Variants in ULK4 observed in about 807,000 individuals in gnomAD.
ULK4 encodes the protein inactive serine/threonine-protein kinase ULK4.
ULK4 carries 133 observed loss-of-function variants against 160.6 expected under a neutral mutation model. The observed-to-expected ratio is 0.83, with a 90% confidence interval of 0.72 to 0.96. The LOEUF is 0.96. Among genes scored for constraint, ULK4 ranks in the 40% least tolerant of loss-of-function variants. ULK4 has a pLI of 0.00. For missense variants in ULK4, 1,580 were observed against 1,499.5 expected (o/e 1.05, Z -0.89); for synonymous variants, 534 against 539.8 (o/e 0.99, Z 0.15).
At chr3:41,402,772 T>G (rs1390035436) in intron 34 of ULK4, among the ~76,000 whole-genome samples, 3 of 152,226 alleles carry the variant, frequency 2.0e-5, no homozygotes, top group African/African-American at 7.2e-5. Context: ...TGAGGAGTTT[T>G]GTGTTTACAA....
chr3:41,321,846 C>T (rs1017942061), intron 35 of ULK4, among the ~76,000 whole-genome samples: 4 of 143,670 alleles, frequency 2.8e-5, no homozygotes, highest in Non-Finnish European at 4.5e-5. Context: ...GTTGGCAGGC[C>T]ACTGTGCATG....
At chr3:41,517,751 T>C (rs1035539771) in intron 32 of ULK4, among the ~76,000 whole-genome samples, 2 of 152,212 alleles carry the variant, frequency 1.3e-5, no homozygotes, top group Non-Finnish European at 2.9e-5. Context: ...CCTCTGCCAC[T>C]CAGGGCTGTC....
intron 17 of ULK4, among the ~76,000 whole-genome samples, chr3:41,844,496 C>T (rs945837341): frequency 1.3e-5 from 2 of 152,306 alleles, no homozygotes; most frequent in South Asian, 4.1e-4. Context: ...CCCAGAACTC[C>T]AGCTGGCCCG....
chr3:41,758,327 C>A (rs1230015118), intron 21 of ULK4, among the ~76,000 whole-genome samples: 1 of 152,016 alleles, frequency 6.6e-6, no homozygotes, highest in Non-Finnish European at 1.5e-5. Flanking sequence ...AAAAACAAAA[C>A]AAAGCAAAAT....
intron 17 of ULK4, among the ~76,000 whole-genome samples, chr3:41,881,672 A>G (rs142861988): frequency 6.6e-6 from 1 of 152,314 alleles, no homozygotes; most frequent in African/African-American, 2.4e-5. Context: ...AGTTCACCAG[A>G]TAGTTCAGTA....
intron 30 of ULK4, among the ~76,000 whole-genome samples, chr3:41,635,821 AT>A (rs1265292182): frequency 6.6e-6 from 1 of 152,248 alleles, no homozygotes; most frequent in Non-Finnish European, 1.5e-5. Context: ...TGTTAGATAT[AT>A]TATATCAGGA....
intron 17 of ULK4, among the ~76,000 whole-genome samples, chr3:41,861,523 A>C (rs1020801432): frequency 6.6e-6 from 1 of 152,042 alleles, no homozygotes; most frequent in Non-Finnish European, 1.5e-5. Flanking sequence ...GATGTACTGG[A>C]GCTCCATTTT....
At chr3:41,654,865 G>C (rs2034871659) in intron 30 of ULK4, among the ~76,000 whole-genome samples, 1 of 152,210 alleles carries the variant, frequency 6.6e-6, no homozygotes, top group Admixed American at 6.5e-5. Flanking sequence ...CAGAGTAACA[G>C]TGAAGAATAA....
At chr3:41,362,792 C>A (rs759225542) in intron 35 of ULK4, among the ~76,000 whole-genome samples, 1 of 152,246 alleles carries the variant, frequency 6.6e-6, no homozygotes, top group African/African-American at 2.4e-5. Context: ...ATAGAGTCAT[C>A]TGATTAACAG....
chr3:41,648,255 A>T (rs1303077785), intron 30 of ULK4, among the ~76,000 whole-genome samples: 2 of 152,136 alleles, frequency 1.3e-5, no homozygotes, highest in African/African-American at 4.8e-5. Flanking sequence ...CCGGTACCTC[A>T]GATGGAAATG....
At chr3:41,344,821 A>G (rs2080766141) in intron 35 of ULK4, among the ~76,000 whole-genome samples, 1 of 151,910 alleles carries the variant, frequency 6.6e-6, no homozygotes, top group East Asian at 1.9e-4. Flanking sequence ...CTGCACAAAA[A>G]AAGAAACTAT....
chr3:41,788,514 C>T (rs1481999108), intron 21 of ULK4, among the ~76,000 whole-genome samples: 2 of 152,006 alleles, frequency 1.3e-5, no homozygotes, highest in African/African-American at 4.8e-5. Context: ...GAAACCCCGT[C>T]TCTACTAAAA....
chr3:41,821,822 T>C (rs917968611), intron 18 of ULK4, among the ~76,000 whole-genome samples: 1 of 152,156 alleles, frequency 6.6e-6, no homozygotes, highest in Non-Finnish European at 1.5e-5. Context: ...TCTATCTCCC[T>C]CATAACAGGA....
chr3:41,324,598 G>C (rs2080307305), intron 35 of ULK4, among the ~76,000 whole-genome samples: 1 of 152,202 alleles, frequency 6.6e-6, no homozygotes, highest in Non-Finnish European at 1.5e-5. Flanking sequence ...GACAAGGGGA[G>C]GGGGCTTGCT....
intron 17 of ULK4, among the ~76,000 whole-genome samples, chr3:41,868,593 T>G (rs1356725781): frequency 6.6e-6 from 1 of 152,198 alleles, no homozygotes; most frequent in Non-Finnish European, 1.5e-5. Flanking sequence ...TTTCAAGCCA[T>G]TCTCCTGCCT....
At chr3:41,346,615 A>G (rs1373226876) in intron 35 of ULK4, among the ~76,000 whole-genome samples, 1 of 152,154 alleles carries the variant, frequency 6.6e-6, no homozygotes, top group Non-Finnish European at 1.5e-5. Flanking sequence ...CTGCCATTTA[A>G]TTCTTTTAGA....
At chr3:41,653,709 CTCTT>C (rs990887775) in intron 30 of ULK4, among the ~76,000 whole-genome samples, 20 of 152,314 alleles carry the variant, frequency 1.3e-4, no homozygotes, top group African/African-American at 4.6e-4. Context: ...TCACATTCAT[CTCTT>C]TAAGTTTTAC....
At chr3:41,559,666 A>G (rs1297640180) in intron 32 of ULK4, among the ~76,000 whole-genome samples, 3 of 152,096 alleles carry the variant, frequency 2.0e-5, no homozygotes, top group Non-Finnish European at 4.4e-5. Context: ...TGGCTGCATA[A>G]ATGTCTTCTT....
intron 13 of ULK4, among the ~76,000 whole-genome samples, chr3:41,900,372 T>C (rs1385196730): frequency 6.6e-6 from 1 of 152,098 alleles, no homozygotes; most frequent in Admixed American, 6.5e-5. Context: ...TTTAGAGTGA[T>C]TCACATTAGT....
Sources: allele counts gnomAD v4.1 joint callset (sites outside exome capture counted in the v4.1 genomes callset), GRCh38; gene constraint gnomAD v4.1.1; transcripts MANE v1.5; gene names NCBI Gene and HGNC (gene_info 2026-07-23, HGNC 2026-07-21).